The following SLC39A11 variants were observed in gnomAD, a reference collection of about 807,000 sequenced individuals.
SLC39A11 encodes solute carrier family 39 member 11, also known as zinc transporter ZIP11.
Under a neutral mutation model 36.1 loss-of-function variants are expected in SLC39A11, and 33 were observed. The ratio of observed to expected loss-of-function variants is 0.91; its 90% CI spans 0.69 to 1.22. SLC39A11 has a LOEUF of 1.22. Ranked by LOEUF, SLC39A11 falls within the 50% of genes most tolerant of loss-of-function variation. SLC39A11 has a pLI of 0.00. For missense variants in SLC39A11, 432 were observed against 430.3 expected (o/e 1.00, Z -0.03); for synonymous variants, 166 against 170.3 (o/e 0.97, Z 0.20).
chr17:72,899,970 G>A (rs150717377), intron 5 of SLC39A11, among the ~76,000 whole-genome samples: 4,387 of 129,002 alleles, frequency 0.034, 269 homozygotes, highest in African/African-American at 0.13. Flanking sequence ...AAAAGAAAGA[G>A]AGAGAGAGAG....
At chr17:72,860,365 C>T (rs1057314405) in intron 5 of SLC39A11, among the ~76,000 whole-genome samples, 6 of 152,196 alleles carry the variant, frequency 3.9e-5, no homozygotes, top group Admixed American at 3.9e-4. Flanking sequence ...CCTTACTCAT[C>T]TCTTCTGAAT....
chr17:72,950,954 A>G (rs1214474003), intron 4 of SLC39A11, among the ~76,000 whole-genome samples: 1 of 152,134 alleles, frequency 6.6e-6, no homozygotes, highest in African/African-American at 2.4e-5. Flanking sequence ...TGCATAGGAC[A>G]GCCCCCACAA....
intron 5 of SLC39A11, among the ~76,000 whole-genome samples, chr17:72,908,926 G>C (rs1171974411): frequency 6.6e-6 from 1 of 152,154 alleles, no homozygotes; most frequent in African/African-American, 2.4e-5. Context: ...CAAGGCACGG[G>C]AGCCAAGCCT....
intron 3 of SLC39A11, among the ~76,000 whole-genome samples, chr17:73,076,420 G>A (rs1350922789): frequency 6.6e-6 from 1 of 152,156 alleles, no homozygotes; most frequent in Non-Finnish European, 1.5e-5. Context: ...CTATTTTGGT[G>A]AACAATTATA....
intron 9 of SLC39A11, 101 bp downstream of exon 9, chr17:72,648,702 G>T: frequency 7.1e-7 from 1 of 1,403,218 alleles, no homozygotes. Flanking sequence ...GAGGGGGAGG[G>T]AATAAGGAAA....
chr17:72,976,877 A>G (rs1297344188), intron 4 of SLC39A11, among the ~76,000 whole-genome samples: 1 of 152,152 alleles, frequency 6.6e-6, no homozygotes, highest in African/African-American at 2.4e-5. Context: ...GAAAAAAAGA[A>G]ATGTCTCTGT....
At chr17:73,059,296 T>G (rs1044827125) in intron 3 of SLC39A11, among the ~76,000 whole-genome samples, 7 of 152,216 alleles carry the variant, frequency 4.6e-5, no homozygotes, top group African/African-American at 1.7e-4. Flanking sequence ...AGTTTAAAAT[T>G]GTTTTACTTC....
chr17:72,928,219 G>A (rs889513983), intron 5 of SLC39A11, among the ~76,000 whole-genome samples: 3 of 152,178 alleles, frequency 2.0e-5, no homozygotes, highest in Admixed American at 6.5e-5. Flanking sequence ...GTCTCTTCCT[G>A]GGCTTAGTGA....
chr17:72,960,674 G>A (rs966755869), intron 4 of SLC39A11, among the ~76,000 whole-genome samples: 3 of 149,952 alleles, frequency 2.0e-5, no homozygotes, highest in Non-Finnish European at 4.4e-5. Flanking sequence ...ATTAAAAAGC[G>A]GGTATAGTGG....
chr17:73,018,337 T>G (rs2058234921), intron 4 of SLC39A11, among the ~76,000 whole-genome samples: 1 of 152,016 alleles, frequency 6.6e-6, no homozygotes, highest in Non-Finnish European at 1.5e-5. Context: ...TTACCTGAGG[T>G]CAGGAGTTCA....
chr17:72,850,464 A>C (rs1384232935), intron 5 of SLC39A11, among the ~76,000 whole-genome samples: 1 of 107,006 alleles, frequency 9.3e-6, no homozygotes, highest in Admixed American at 9.2e-5. Flanking sequence ...AAAAAAGAAA[A>C]AGAAAAAAAA....
Position 72,947,834 on chromosome 17 carries a change from G to T in SLC39A11, c.348C>A (p.Phe116Leu). 1.2e-6 allele frequency: 2 copies of T among 1,614,082 alleles called. No homozygotes were observed. The highest frequency in any genetic ancestry group is 1.7e-6 in the Non-Finnish European group (2 of 1,180,020). The change falls in exon 5 of 10, where the codon TTC becomes TTA. Residue 116 changes from phenylalanine (F) to leucine (L), a missense_variant. Coordinates refer to ENST00000255559, the MANE Select transcript of SLC39A11 (RefSeq NM_139177.4). ...EDPQTTLALN[F>L]GSTLMKKKSD... ...ACTTCTTCTTCATCAACGTAGAGCC[G>T]AAGTTCAGTGCCAGGGTCGTCTGGG...
intron 4 of SLC39A11, among the ~76,000 whole-genome samples, chr17:72,976,169 CAAAAAAAAAAAA>C (rs71154939): frequency 1.5e-5 from 1 of 68,378 alleles, no homozygotes; most frequent in African/African-American, 6.0e-5. Flanking sequence ...GACTCCATCT[CAAAAAAAAAAAA>C]AAAAAAAAAA....
chr17:72,899,997 AG>A (rs1487611512), intron 5 of SLC39A11, among the ~76,000 whole-genome samples: 1,871 of 29,596 alleles, frequency 0.063, 80 homozygotes, highest in African/African-American at 0.41. Context: ...AAAGAGAGAG[AG>A]AGAGAAAGAG....
At chr17:72,914,721 A>G (rs2083234855) in intron 5 of SLC39A11, among the ~76,000 whole-genome samples, 1 of 152,170 alleles carries the variant, frequency 6.6e-6, no homozygotes, top group Admixed American at 6.5e-5. Context: ...TACAAAAATT[A>G]GCCAGATGTG....
intron 5 of SLC39A11, among the ~76,000 whole-genome samples, chr17:72,876,227 A>T (rs2080891426): frequency 6.6e-6 from 1 of 152,198 alleles, no homozygotes; most frequent in African/African-American, 2.4e-5. Context: ...TGGAAACAGA[A>T]ATTGGATTAT....
intron 6 of SLC39A11, among the ~76,000 whole-genome samples, chr17:72,756,932 G>A (rs190133042): frequency 4.0e-5 from 6 of 150,654 alleles, no homozygotes; most frequent in African/African-American, 1.2e-4. Context: ...GGTGGATCAC[G>A]AGGTCAGGAG....
chr17:72,804,459 G>A (rs2077189522), intron 6 of SLC39A11, among the ~76,000 whole-genome samples: 1 of 152,106 alleles, frequency 6.6e-6, no homozygotes, highest in South Asian at 2.1e-4. Flanking sequence ...TAAAGTCGAG[G>A]GTTGGATATG....
At chr17:72,683,945 T>G (rs1303898203) in intron 7 of SLC39A11, among the ~76,000 whole-genome samples, 1 of 152,094 alleles carries the variant, frequency 6.6e-6, no homozygotes, top group Non-Finnish European at 1.5e-5. Flanking sequence ...CTGACCCTTT[T>G]CCAACACTAC....
Sources: gnomAD v4.1 joint callset for allele counts (sites outside exome capture counted in the v4.1 genomes callset) on GRCh38, gnomAD v4.1.1 for gene constraint, MANE v1.5 for transcripts, NCBI Gene and HGNC (gene_info 2026-07-23, HGNC 2026-07-21) for gene names.